PLA2G4D: variants seen among roughly 807,000 people sequenced by gnomAD.
The protein encoded by PLA2G4D is cytosolic phospholipase A2 delta.
Under a neutral mutation model 94.4 loss-of-function variants are expected in PLA2G4D, and 80 were observed. The ratio of observed to expected loss-of-function variants is 0.85; its 90% CI spans 0.71 to 1.02. The LOEUF is 1.02. Ranked by LOEUF, PLA2G4D falls within the 50% of genes least tolerant of loss-of-function variation. The probability of loss-of-function intolerance (pLI) is 0.00; values close to 1 mark genes in which losing one functional copy is unlikely to be tolerated. For missense variants in PLA2G4D, 1,050 were observed against 1,034.7 expected (o/e 1.01, Z -0.20); for synonymous variants, 438 against 440.9 (o/e 0.99, Z 0.08).
At chr15:42,085,039 TC>T in intron 6 of PLA2G4D, 56 bp downstream of exon 6, 2 of 1,591,298 alleles carry the variant, frequency 1.3e-6, no homozygotes, top group Non-Finnish European at 8.6e-7. Flanking sequence ...GCAGCTGCCC[TC>T]CCTCCCCAAG....
At chr15:42,087,747 T>C in intron 1 of PLA2G4D, 47 bp from the exon 2 acceptor site, 2 of 1,587,940 alleles carry the variant, frequency 1.3e-6, no homozygotes, top group Non-Finnish European at 8.6e-7. Flanking sequence ...TTCCCTCCCT[T>C]ATGCCTGGAG....
At chr15:42,072,059 C>G in intron 14 of PLA2G4D, 148 bp from the exon 15 acceptor site, 3 of 1,148,434 alleles carry the variant, frequency 2.6e-6, no homozygotes, top group Non-Finnish European at 3.7e-6. Context: ...AATGGGCAGT[C>G]CTGGACTGAC....
Position 42,086,354 on chromosome 15 carries a change from A to G in PLA2G4D, c.256-10T>C, listed in dbSNP as rs1566865370. On this transcript the variant is annotated splice_polypyrimidine_tract_variant and intron_variant, in intron 3 of 19. Coordinates refer to ENST00000290472, the MANE Select transcript of PLA2G4D (RefSeq NM_178034.4). ...TAAGCTCCAGAACATTCTAGGAACC[A>G]GGAACAGCGACTTAGCATTTTACCT... 1.2e-6 allele frequency: 2 copies of G among 1,613,008 alleles called. No individual in the cohort carries two copies. The highest frequency in any genetic ancestry group is 3.3e-5 in the Admixed American group (2 of 60,018).
chr15:42,070,509 T>C (rs1220994734), intron 18 of PLA2G4D: 2 of 611,862 alleles, frequency 3.3e-6, no homozygotes, highest in East Asian at 2.8e-5. Context: ...GGTCCCTCCC[T>C]GTTCACCTGT....
Position 42,071,113 on chromosome 15 carries a change from C to T in PLA2G4D, c.1876+10G>A, listed in dbSNP as rs368180612. 32 of 1,597,884 alleles carry T rather than the reference C, an allele frequency of 2.0e-5. No individual in the cohort carries two copies. Among genetic ancestry groups the T allele is most frequent in the South Asian group, 1.0e-4 (9 of 88,158 alleles). ...CTTGTGACCTAGGGACCCCTGGCCA[C>T]GGCCCTGACCTGCCCAGGTGGAGAA... On this transcript the variant is annotated intron_variant, in intron 17 of 19. Transcript: ENST00000290472.
intron 15 of PLA2G4D, 81 bp downstream of exon 15, chr15:42,071,693 C>T: frequency 7.5e-7 from 1 of 1,329,230 alleles, no homozygotes; most frequent in African/African-American, 1.5e-5. Context: ...TGAGGTTCTG[C>T]CCCACCTGAG....
Position 42,085,094 on chromosome 15 carries a change from A to G in PLA2G4D, c.471+2T>C. 2 of 1,614,122 alleles carry G rather than the reference A, an allele frequency of 1.2e-6. No individual in the cohort carries two copies. The highest frequency in any genetic ancestry group is 4.5e-5 in the East Asian group (2 of 44,868). On this transcript the variant is annotated splice_donor_variant, in intron 6 of 19. Coordinates refer to ENST00000290472, the MANE Select transcript of PLA2G4D (RefSeq NM_178034.4). LOFTEE classifies it high-confidence loss of function. ...TCCCCTAAGCCTGGGGAAGGTGCTT[A>G]CCACAATGACTTTGTTGGTGATGAG... is the stretch of plus-strand genomic sequence containing the variant.
chr15:42,071,182 A>G lies in PLA2G4D; in HGVS notation c.1817T>C (p.Leu606Pro), dbSNP rs759753605. 1.9e-6 allele frequency: 3 copies of G among 1,613,464 alleles called. No homozygotes were observed. In the East Asian group the frequency reaches 6.7e-5, roughly 36 times the overall value. ...GTCCTGGTGCAGCTGGAGGCCCTGG[A>G]GGAAGTTGGGGCTGCGCTGGTGGAG... ...RPLHQRSPNFLQGLQLHQDYC... is the reference protein window; with the variant it reads ...RPLHQRSPNFPQGLQLHQDYC... The change falls in exon 17 of 20, where the codon CTC becomes CCC. Residue 606 changes from leucine to proline, a missense_variant. Physicochemically the swap from Leu to Pro is moderately conservative, Grantham distance 98 (BLOSUM62 -3). Coordinates refer to ENST00000290472, the MANE Select transcript of PLA2G4D (RefSeq NM_178034.4).
rs1485203567 is a variant in PLA2G4D, at chr15:42,070,095, C to A, written c.2044G>T (p.Ala682Ser). ...CAGTACAGCTCCGTCTGCTGCAGTG[C>A]CTGGTGGGGAGAAGGTGGCCCGGAG... ...FDYSLSAPFE[A>S]LQQTELYCRA... Residue 682 changes from alanine to serine, a missense_variant and splice_region_variant, in exon 19 of 20, where the codon GCA becomes TCA. Coordinates refer to ENST00000290472, the MANE Select transcript of PLA2G4D (RefSeq NM_178034.4). 57 of 1,503,814 alleles carry A rather than the reference C, an allele frequency of 3.8e-5. No homozygotes were observed. The highest frequency in any genetic ancestry group is 4.8e-5 in the Non-Finnish European group (54 of 1,129,234). 93.2% of individuals were successfully genotyped at this position (1,503,814 alleles called of 1,614,324 possible).
At chr15:42,081,403 G>A (rs1310321021) in intron 11 of PLA2G4D, 76 bp downstream of exon 11, 4 of 1,551,112 alleles carry the variant, frequency 2.6e-6, no homozygotes, top group Non-Finnish European at 3.5e-6. Context: ...GGAGTTTCTG[G>A]AGAGGCATAG....
intron 12 of PLA2G4D, 141 bp from the exon 13 acceptor site, chr15:42,079,900 G>C (rs1890004517): frequency 2.8e-6 from 2 of 701,764 alleles, no homozygotes; most frequent in Admixed American, 6.9e-5. Flanking sequence ...GGGTCTCAGG[G>C]CTTTCTCTCC....
rs1889996120 is a variant in PLA2G4D at position 42,079,593 on chromosome 15, G to A, written c.1261C>T (p.Pro421Ser). Residue 421 changes from proline (P) to serine (S), a missense_variant, in exon 13 of 20, where the codon CCC becomes TCC. Pro to Ser is a moderately conservative substitution (Grantham distance 74). Transcript: ENST00000290472. ...ELELRAEQGH[P>S]TTFVDLWALV... ...GCCCACAGGTCCACAAAGGTCGTGG[G>A]GTGGCCCTGCTCAGCCCGCAGCTCC... 6.2e-7 allele frequency: 1 copy of A among 1,609,660 alleles called. No homozygotes were observed. The highest frequency in any genetic ancestry group is 8.5e-7 in the Non-Finnish European group (1 of 1,178,810).
chr15:42,080,700 T>C (rs1239886552), intron 12 of PLA2G4D, among the ~76,000 whole-genome samples: 1 of 152,154 alleles, frequency 6.6e-6, no homozygotes, highest in African/African-American at 2.4e-5. Context: ...AGGAGATAAG[T>C]TGCTCAGTGT....
chr15:42,070,251 CA>C, intron 18 of PLA2G4D, 156 bp from the exon 19 acceptor site: 3 of 695,216 alleles, frequency 4.3e-6, no homozygotes, highest in Non-Finnish European at 6.6e-6. Context: ...GAGGGAGACC[CA>C]GGGGGAGTCC....
rs113313259 is a variant in PLA2G4D, at chr15:42,068,260, G to A, written c.*455C>T. On this transcript the variant is annotated 3_prime_UTR_variant, in exon 20 of 20. Transcript: ENST00000290472. ...GATACGGAAAGCAGGAGGACAAAGA[G>A]GAGAAGGACAAGGAGAGGAGGAGGT... is the stretch of plus-strand genomic sequence containing the variant. 24 of 157,458 alleles carry A rather than the reference G, an allele frequency of 1.5e-4. No homozygotes were observed. The highest frequency in any genetic ancestry group is 5.5e-4 in the African/African-American group (23 of 41,662). 9.8% of individuals were successfully genotyped at this position (157,458 alleles called of 1,614,324 possible). A position where few individuals can be genotyped will look rare whatever the true frequency, so the allele number is the denominator to read the frequency against.
intron 15 of PLA2G4D, 31 bp downstream of exon 15, chr15:42,071,743 T>C (rs776708629): frequency 8.1e-6 from 13 of 1,599,680 alleles, no homozygotes; most frequent in Middle Eastern, 3.4e-4. Context: ...GGCCCAGGGC[T>C]GCCCAGGGCC....
chr15:42,087,523 G>T (rs1220039660), intron 2 of PLA2G4D, 87 bp from the exon 3 acceptor site: 1 of 1,604,182 alleles, frequency 6.2e-7, no homozygotes, highest in East Asian at 2.2e-5. Context: ...AGACCCTGGC[G>T]GTCACCGCAG....
chr15:42,072,202 T>C, intron 14 of PLA2G4D, 73 bp downstream of exon 14: 2 of 1,345,844 alleles, frequency 1.5e-6, no homozygotes, highest in Non-Finnish European at 2.1e-6. Context: ...CCAGCATGAA[T>C]TCTCTGGGGG....
At chr15:42,094,388 G>T in intron 1 of PLA2G4D, 27 bp downstream of exon 1, 1 of 1,613,472 alleles carries the variant, frequency 6.2e-7, no homozygotes, top group Non-Finnish European at 8.5e-7. Flanking sequence ...CCTGACTGGT[G>T]CCCACATGCT....
Sources: allele counts gnomAD v4.1 joint callset (sites outside exome capture counted in the v4.1 genomes callset), GRCh38; gene constraint gnomAD v4.1.1; transcripts MANE v1.5; gene names NCBI Gene and HGNC (gene_info 2026-07-23, HGNC 2026-07-21).